The following CHCHD3 variants were observed in gnomAD, a reference collection of about 807,000 sequenced individuals.
CHCHD3 encodes the protein MICOS complex subunit MIC19.
Under a neutral mutation model 38.2 loss-of-function variants are expected in CHCHD3, and 20 were observed. The ratio of observed to expected loss-of-function variants is 0.52; its 90% CI spans 0.37 to 0.76. The LOEUF is 0.76. CHCHD3 is among the 30% of genes least tolerant of loss of function. The probability of loss-of-function intolerance (pLI) is 0.00; values close to 1 mark genes in which losing one functional copy is unlikely to be tolerated. For synonymous variants in CHCHD3, 82 were observed against 100.0 expected, an observed-to-expected ratio of 0.82 and a Z score of 1.07; for missense variants, 245 against 279.2, an observed-to-expected ratio of 0.88 and a Z score of 0.87.
At chr7:132,903,772 G>A (rs563574366) in intron 4 of CHCHD3, among the ~76,000 whole-genome samples, 30 of 152,288 alleles carry the variant, frequency 2.0e-4, no homozygotes, top group Admixed American at 1.5e-3. Context: ...TTTCATTAAG[G>A]CATCATTTGA....
chr7:133,044,785 C>A (rs1031340687), intron 2 of CHCHD3, among the ~76,000 whole-genome samples: 14 of 152,242 alleles, frequency 9.2e-5, no homozygotes, highest in Admixed American at 9.2e-4. Context: ...GATGGGTCTG[C>A]AGGGCAGACT....
At chr7:132,793,726 TGGGGG>T (rs1806526470) in intron 7 of CHCHD3, among the ~76,000 whole-genome samples, 1 of 152,228 alleles carries the variant, frequency 6.6e-6, no homozygotes, top group Non-Finnish European at 1.5e-5. Flanking sequence ...AATTATTCCA[TGGGGG>T]AAACCCTTGC....
chr7:132,805,489 A>C (rs1806895014), intron 6 of CHCHD3, among the ~76,000 whole-genome samples: 1 of 152,030 alleles, frequency 6.6e-6, no homozygotes, highest in Non-Finnish European at 1.5e-5. Context: ...CTCAGGTTGT[A>C]GTAGAGGGTT....
intron 1 of CHCHD3, among the ~76,000 whole-genome samples, chr7:133,070,829 A>G (rs1814800513): frequency 6.6e-6 from 1 of 152,232 alleles, no homozygotes; most frequent in Non-Finnish European, 1.5e-5. Flanking sequence ...TGAGTGAGTC[A>G]GCATGTAATG....
At chr7:132,919,100 CTTTTTTT>C (rs5887600) in intron 4 of CHCHD3, among the ~76,000 whole-genome samples, 1 of 69,494 alleles carries the variant, frequency 1.4e-5, no homozygotes, top group Admixed American at 2.4e-4. Context: ...TGGGTTTATT[CTTTTTTT>C]TTTTTTTTTT....
chr7:133,020,808 A>G (rs1042743666), intron 3 of CHCHD3, among the ~76,000 whole-genome samples: 3 of 152,224 alleles, frequency 2.0e-5, no homozygotes, highest in African/African-American at 7.2e-5. Context: ...TGGAAAAACA[A>G]AGACATCAAA....
chr7:133,081,129 C>T (rs1202010599), intron 1 of CHCHD3, among the ~76,000 whole-genome samples: 1 of 152,108 alleles, frequency 6.6e-6, no homozygotes, highest in African/African-American at 2.4e-5. Context: ...CAACGTTGGT[C>T]AGAAATGACT....
intron 4 of CHCHD3, among the ~76,000 whole-genome samples, chr7:132,954,886 A>T (rs1258733065): frequency 6.6e-6 from 1 of 152,150 alleles, no homozygotes; most frequent in Admixed American, 6.5e-5. Flanking sequence ...CTGATCACAG[A>T]CTGCATGTGT....
At chr7:132,902,164 A>G (rs1321308058) in intron 4 of CHCHD3, among the ~76,000 whole-genome samples, 1 of 152,150 alleles carries the variant, frequency 6.6e-6, no homozygotes, top group African/African-American at 2.4e-5. Context: ...AAAGTCAGGA[A>G]ACAACAGGTG....
intron 4 of CHCHD3, among the ~76,000 whole-genome samples, chr7:132,928,123 C>A (rs949095223): frequency 8.5e-5 from 13 of 152,076 alleles, no homozygotes; most frequent in Non-Finnish European, 1.3e-4. Context: ...GGAATCCCAT[C>A]TTCCTAGTCA....
At chr7:133,077,369 G>A (rs1815031200) in intron 1 of CHCHD3, among the ~76,000 whole-genome samples, 1 of 152,164 alleles carries the variant, frequency 6.6e-6, no homozygotes, top group South Asian at 2.1e-4. Flanking sequence ...CGCATATTAA[G>A]TAATCTCTTC....
intron 2 of CHCHD3, among the ~76,000 whole-genome samples, chr7:133,045,824 A>G (rs756243793): frequency 6.6e-6 from 1 of 152,042 alleles, no homozygotes; most frequent in Non-Finnish European, 1.5e-5. Context: ...CATGAGATCT[A>G]GTCGTTTAAA....
At chr7:132,816,542 T>A (rs1201286852) in intron 6 of CHCHD3, among the ~76,000 whole-genome samples, 1 of 152,158 alleles carries the variant, frequency 6.6e-6, no homozygotes, top group African/African-American at 2.4e-5. Context: ...CTCCAGAAAG[T>A]CCTTAATGAC....
Position 133,081,848 on chromosome 7 carries a change from G to A in CHCHD3, c.81+9C>T, listed in dbSNP as rs1242269774. 1.3e-6 allele frequency: 2 copies of A among 1,552,590 alleles called. No individual in the cohort carries two copies. Among genetic ancestry groups the A allele is most frequent in the East Asian group, 2.4e-5 (1 of 40,974 alleles). On this transcript the variant is annotated intron_variant, in intron 1 of 7. Coordinates refer to ENST00000262570, the MANE Select transcript of CHCHD3 (RefSeq NM_017812.4). ...ACCACTGGCCCTCCGCCCGTCCACG[G>A]GCACTCACCCGGATGCCCTTCACCA...
chr7:132,852,950 C>G (rs1808254677), intron 5 of CHCHD3, among the ~76,000 whole-genome samples: 2 of 152,192 alleles, frequency 1.3e-5, no homozygotes, highest in South Asian at 4.1e-4. Context: ...GAAAAACTTT[C>G]CTGAAGATTG....
chr7:132,932,125 T>A (rs1646001556), intron 4 of CHCHD3, among the ~76,000 whole-genome samples: 1 of 152,102 alleles, frequency 6.6e-6, no homozygotes, highest in Non-Finnish European at 1.5e-5. Context: ...AACCTGTTGG[T>A]CAGATGGAAG....
At position 132,856,448 on chromosome 7, in the gene CHCHD3, A is replaced by C. The variant is rs185828314; in HGVS notation, c.454-17979T>G. On this transcript the variant is annotated intron_variant, in intron 5 of 7. Transcript: ENST00000262570. ...AAAAAGATTTTTATTATAAAGACAA[A>C]TGTGAAACATAAATGGAATCGGGGT... Among the ~76,000 whole-genome samples the C allele has an allele frequency of 2.6e-3, 397 of 152,374 alleles. 4 individuals carry two copies. The highest frequency in any genetic ancestry group is 9.1e-3 in the African/African-American group (378 of 41,592).
chr7:132,982,138 C>T (rs952526085), intron 3 of CHCHD3, among the ~76,000 whole-genome samples: 2 of 152,070 alleles, frequency 1.3e-5, no homozygotes, highest in African/African-American at 4.8e-5. Context: ...GGACAAAACA[C>T]GTATACAGTT....
At chr7:133,027,798 A>C (rs1343064996) in intron 2 of CHCHD3, among the ~76,000 whole-genome samples, 2 of 152,298 alleles carry the variant, frequency 1.3e-5, no homozygotes, top group East Asian at 3.9e-4. Context: ...GCTCTTTATG[A>C]AAGTATGAAA....
Sources: gnomAD v4.1 joint callset for allele counts (sites outside exome capture counted in the v4.1 genomes callset) on GRCh38, gnomAD v4.1.1 for gene constraint, MANE v1.5 for transcripts, NCBI Gene and HGNC (gene_info 2026-07-23, HGNC 2026-07-21) for gene names.